TBC1D9: variants seen among roughly 807,000 people sequenced by gnomAD.
TBC1D9 encodes TBC1 domain family member 9, also known as TBC1 domain family member 9A.
A neutral mutation model predicts 132.0 loss-of-function variants in TBC1D9; 63 were observed. That is an observed-to-expected ratio of 0.48 (90% CI 0.39 to 0.59). The LOEUF (loss-of-function observed/expected upper bound fraction) is 0.59, where lower values mean the gene tolerates loss of function less well. TBC1D9 is among the 20% of genes least tolerant of loss of function. The pLI is 0.00. For synonymous variants in TBC1D9, 610 were observed against 609.9 expected (o/e 1.00, Z 0.00); for missense variants, 1,261 against 1,592.7 (o/e 0.79, Z 3.54).
intron 1 of TBC1D9, among the ~76,000 whole-genome samples, chr4:140,717,795 AG>A (rs1184185530): frequency 2.0e-5 from 3 of 152,194 alleles, no homozygotes; most frequent in Admixed American, 6.5e-5. Flanking sequence ...AACACAGTGC[AG>A]TCATGAAAGA....
At chr4:140,642,679 C>A (rs1737023087) in intron 13 of TBC1D9, 2 of 674,460 alleles carry the variant, frequency 3.0e-6, no homozygotes, top group Non-Finnish European at 5.3e-6. Context: ...CCCTGGCTTT[C>A]CCTGTTCCAA....
intron 1 of TBC1D9, among the ~76,000 whole-genome samples, chr4:140,710,541 A>G (rs1738226917): frequency 6.6e-6 from 1 of 152,238 alleles, no homozygotes; most frequent in Non-Finnish European, 1.5e-5. Context: ...CAAACAGAGC[A>G]GAAAACTAAA....
intron 1 of TBC1D9, among the ~76,000 whole-genome samples, chr4:140,711,979 CA>C (rs1398454436): frequency 6.6e-6 from 1 of 152,040 alleles, no homozygotes; most frequent in African/African-American, 2.4e-5. Flanking sequence ...GATGAGAAAA[CA>C]AAAAATATAT....
chr4:140,692,913 G>A (rs934321155), intron 2 of TBC1D9, among the ~76,000 whole-genome samples: 9 of 151,950 alleles, frequency 5.9e-5, no homozygotes, highest in Middle Eastern at 3.4e-3. Context: ...CCAGCTACTC[G>A]GGAGGCTAAG....
At chr4:140,634,738 C>T (rs1736851030) in intron 15 of TBC1D9, among the ~76,000 whole-genome samples, 1 of 152,176 alleles carries the variant, frequency 6.6e-6, no homozygotes, top group South Asian at 2.1e-4. Flanking sequence ...TAACCCCCTG[C>T]TTCCCTGCTC....
chr4:140,687,349 T>TC (rs1560885845), intron 2 of TBC1D9, among the ~76,000 whole-genome samples: 7 of 23,162 alleles, frequency 3.0e-4, no homozygotes, highest in Admixed American at 1.2e-3. Context: ...GTGTCATATA[T>TC]ATATATATAT....
chr4:140,655,269 T>C (rs1029403083), intron 13 of TBC1D9, among the ~76,000 whole-genome samples: 18 of 152,334 alleles, frequency 1.2e-4, no homozygotes, highest in East Asian at 1.2e-3. Flanking sequence ...TTTCAATATA[T>C]ATGGAGTTTC....
At chr4:140,708,464 T>C (rs1427365920) in intron 1 of TBC1D9, among the ~76,000 whole-genome samples, 2 of 152,198 alleles carry the variant, frequency 1.3e-5, no homozygotes, top group African/African-American at 2.4e-5. Flanking sequence ...GTCTCTATTC[T>C]CCTACTTTGG....
chr4:140,686,284 C>A lies in TBC1D9; in HGVS notation c.360+60G>T. The A allele has an allele frequency of 2.7e-6, 3 of 1,107,482 alleles. No homozygotes were observed. In the South Asian group the frequency reaches 4.1e-5, roughly 15 times the overall value. 68.6% of individuals were successfully genotyped at this position (1,107,482 alleles called of 1,614,324 possible). On this transcript the variant is annotated intron_variant, in intron 3 of 20. Transcript: ENST00000442267. ...ATGTTTTACTCAATTCTTATTTTTACAACATTTCTGTAAATTTGAAATTAT... is the reference window on the plus strand; with the variant it reads ...ATGTTTTACTCAATTCTTATTTTTAAAACATTTCTGTAAATTTGAAATTAT...
intron 1 of TBC1D9, among the ~76,000 whole-genome samples, chr4:140,704,866 T>C (rs190094720): frequency 6.6e-6 from 1 of 152,342 alleles, no homozygotes; most frequent in Admixed American, 6.5e-5. Context: ...TAGATGCAAG[T>C]TCACCAACCC....
chr4:140,679,321 T>G, intron 4 of TBC1D9, 118 bp from the exon 5 acceptor site: 1 of 1,115,366 alleles, frequency 9.0e-7, no homozygotes, highest in Non-Finnish European at 1.3e-6. Context: ...TATAATACCA[T>G]ATTTGTTTTG....
chr4:140,643,131 G>C lies in TBC1D9; in HGVS notation c.2338-3703C>G, dbSNP rs1578820629. ...AGGTTCTTGAGCGGGTCCCACCACG[G>C]GCCCATCCAGCACCTCCCTCAGCAT... On this transcript the variant is annotated intron_variant, in intron 13 of 20. Coordinates refer to ENST00000442267, the MANE Select transcript of TBC1D9 (RefSeq NM_015130.3). The C allele has an allele frequency of 3.5e-6, 5 of 1,425,342 alleles. No homozygotes were observed. In the East Asian group the frequency reaches 9.9e-5, roughly 28 times the overall value. 88.3% of individuals were successfully genotyped at this position (1,425,342 alleles called of 1,614,324 possible). A position where few individuals can be genotyped will look rare whatever the true frequency, so the allele number is the denominator to read the frequency against.
chr4:140,739,617 C>G (rs1167832080), intron 1 of TBC1D9, among the ~76,000 whole-genome samples: 1 of 152,128 alleles, frequency 6.6e-6, no homozygotes, highest in Non-Finnish European at 1.5e-5. Flanking sequence ...CAAATTTTAG[C>G]TCTTCTGTCT....
Position 140,755,936 on chromosome 4 carries a change from C to A in TBC1D9, c.110G>T (p.Gly37Val). 6.3e-7 allele frequency: 1 copy of A among 1,585,308 alleles called. No homozygotes were observed. The highest frequency in any genetic ancestry group is 8.6e-7 in the Non-Finnish European group (1 of 1,167,702). ...CTTACCCGCCAGTCCGCCGCCGCCGCCTCCATCGCCGGCGTGGCCCTTCCT... is the reference window on the plus strand; with the variant it reads ...CTTACCCGCCAGTCCGCCGCCGCCGACTCCATCGCCGGCGTGGCCCTTCCT... ...QRRKGHAGDG[G>V]GGGGLAGLLV... Residue 37 changes from glycine (G) to valine (V), a missense_variant, in exon 1 of 21, where the codon GGC (glycine) becomes GTC (valine). By Grantham distance (109) the Gly-to-Val change is moderately radical (BLOSUM62 -3). Transcript: ENST00000442267.
Position 140,659,598 on chromosome 4 carries a change from G to A in TBC1D9, c.1911C>T (p.Thr637=), listed in dbSNP as rs765487100. The A allele has an allele frequency of 6.3e-7, 1 of 1,590,648 alleles. No individual in the cohort carries two copies. Among genetic ancestry groups the A allele is most frequent in the Admixed American group, 1.8e-5 (1 of 57,074 alleles). ...TGCATCTCCACTTACCCACAACTCT[G>A]GTGTTGTAGTAATCTGGGAGCATGC... ...CERMLPDYYN[T]RVVGALVDQG... Residue 637 remains threonine, a synonymous_variant, in exon 11 of 21, where the codon ACC becomes ACT. Transcript: ENST00000442267.
chr4:140,756,106 C>G lies in TBC1D9; in HGVS notation c.-61G>C, dbSNP rs1739010452. 6.9e-7 allele frequency: 1 copy of G among 1,448,834 alleles called. No individual in the cohort carries two copies. The highest frequency in any genetic ancestry group is 2.2e-5 in the Admixed American group (1 of 45,980). 89.7% of individuals were successfully genotyped at this position (1,448,834 alleles called of 1,614,324 possible). On this transcript the variant is annotated 5_prime_UTR_variant, in exon 1 of 21. Coordinates refer to ENST00000442267, the MANE Select transcript of TBC1D9 (RefSeq NM_015130.3). The surrounding 1 kb of genome is among the most constrained non-coding windows in gnomAD (Gnocchi z 5.6). Reference sequence around the variant, plus strand: ...CGTGGGTCCAGTCCTGCACCCACCACCGCGACAGGCGCGCACTCCTGGGCA... The same window carrying G: ...CGTGGGTCCAGTCCTGCACCCACCAGCGCGACAGGCGCGCACTCCTGGGCA...
chr4:140,637,961 G>A (rs1560868370), intron 15 of TBC1D9, among the ~76,000 whole-genome samples: 1 of 152,148 alleles, frequency 6.6e-6, no homozygotes, highest in African/African-American at 2.4e-5. Context: ...ACCTACAAAG[G>A]CAGAGACTCT....
chr4:140,654,006 T>C (rs1737227943), intron 13 of TBC1D9, among the ~76,000 whole-genome samples: 1 of 152,232 alleles, frequency 6.6e-6, no homozygotes. Context: ...TATCTGCTGT[T>C]GAGAAAAAAG....
chr4:140,725,025 A>T (rs1164513373), intron 1 of TBC1D9, among the ~76,000 whole-genome samples: 2 of 152,218 alleles, frequency 1.3e-5, no homozygotes, highest in African/African-American at 4.8e-5. Context: ...TTGCAAATGC[A>T]TATACCAATG....
Sources: allele counts gnomAD v4.1 joint callset (sites outside exome capture counted in the v4.1 genomes callset), GRCh38; gene constraint gnomAD v4.1.1; non-coding constraint Gnocchi (gnomAD v3.1); transcripts MANE v1.5; gene names NCBI Gene and HGNC (gene_info 2026-07-23, HGNC 2026-07-21).